The following TRAPPC8 variants were observed in gnomAD, a reference collection of about 807,000 sequenced individuals.
The protein encoded by TRAPPC8 is trafficking protein particle complex subunit 8, also known as general sporulation gene 1 homolog.
Under a neutral mutation model 174.3 loss-of-function variants are expected in TRAPPC8, and 54 were observed. That is an observed-to-expected ratio of 0.31 (90% CI 0.25 to 0.39). The LOEUF is 0.39. Among genes scored for constraint, TRAPPC8 ranks in the 10% least tolerant of loss-of-function variants. The pLI, the probability that TRAPPC8 is intolerant of heterozygous loss-of-function variation, is 1.00. For missense variants in TRAPPC8, 1,531 were observed against 1,699.1 expected (o/e 0.90, Z 1.74); for synonymous variants, 630 against 579.9 (o/e 1.09, Z -1.24).
At chr18:31,880,686 T>A (rs958695659) in intron 12 of TRAPPC8, among the ~76,000 whole-genome samples, 15 of 151,860 alleles carry the variant, frequency 9.9e-5, no homozygotes, top group African/African-American at 3.4e-4. Flanking sequence ...AGAAAAAGCA[T>A]CCAAATAGGA....
At chr18:31,831,082 G>C in intron 28 of TRAPPC8, 93 bp from the exon 29 acceptor site, 5 of 1,055,176 alleles carry the variant, frequency 4.7e-6, no homozygotes, top group Non-Finnish European at 6.9e-6. Flanking sequence ...GCTGGGCGCG[G>C]TGGCTCACGC....
At chr18:31,903,121 C>CGTGCGTGT (rs1555674907) in intron 9 of TRAPPC8, among the ~76,000 whole-genome samples, 8 of 149,010 alleles carry the variant, frequency 5.4e-5, no homozygotes, top group South Asian at 2.1e-4. Context: ...TGCGTGCGTG[C>CGTGCGTGT]GTGTGTGTGT....
intron 26 of TRAPPC8, 37 bp from the exon 27 acceptor site, chr18:31,839,494 C>T: frequency 6.6e-7 from 1 of 1,525,804 alleles, no homozygotes; most frequent in Non-Finnish European, 8.8e-7. Flanking sequence ...ACAATAAAAA[C>T]ACTACCTTGT....
intron 4 of TRAPPC8, among the ~76,000 whole-genome samples, chr18:31,915,888 G>GA (rs775582621): frequency 0.38 from 31,351 of 82,688 alleles, 5,988 homozygotes; most frequent in Admixed American, 0.5. Flanking sequence ...CTCCATCTCA[G>GA]AAAAAAAAAA....
intron 26 of TRAPPC8, among the ~76,000 whole-genome samples, chr18:31,842,524 G>A (rs1237614933): frequency 6.6e-6 from 1 of 152,198 alleles, no homozygotes; most frequent in African/African-American, 2.4e-5. Flanking sequence ...ATGTGGGTAA[G>A]CAGAACCTAC....
In TRAPPC8 at chr18:31,920,571, C is replaced by G. The variant is rs570930771; in HGVS notation, c.353-2904G>C. Among the ~76,000 whole-genome samples, 3 of 151,592 alleles carry G rather than the reference C, an allele frequency of 2.0e-5. No individual in the cohort carries two copies. The South Asian group carries it at 6.3e-4, about 32-fold the overall frequency. On this transcript the variant is annotated intron_variant, in intron 2 of 28. Coordinates refer to ENST00000283351, the MANE Select transcript of TRAPPC8 (RefSeq NM_014939.5). ...ATCCTAGCACTTTGGGAGGCTGAGG[C>G]AGGCAGATCGATTGAGCTCAGGAAT...
intron 27 of TRAPPC8, among the ~76,000 whole-genome samples, chr18:31,834,909 A>G (rs1467106017): frequency 6.6e-6 from 1 of 151,878 alleles, no homozygotes; most frequent in African/African-American, 2.4e-5. Context: ...TATATCCTCC[A>G]TCTCTTCTCT....
chr18:31,835,867 G>C (rs28760310), intron 27 of TRAPPC8, among the ~76,000 whole-genome samples: 1 of 152,076 alleles, frequency 6.6e-6, no homozygotes, highest in Admixed American at 6.6e-5. Flanking sequence ...TTTATACTCC[G>C]GAGACATGCC....
At chr18:31,838,556 C>T (rs1030518418) in intron 27 of TRAPPC8, among the ~76,000 whole-genome samples, 5 of 152,166 alleles carry the variant, frequency 3.3e-5, no homozygotes, top group African/African-American at 7.2e-5. Context: ...GGATGGTCAA[C>T]GCGGTATCTT....
intron 1 of TRAPPC8, among the ~76,000 whole-genome samples, chr18:31,940,794 G>A (rs1235378535): frequency 6.6e-6 from 1 of 152,082 alleles, no homozygotes; most frequent in African/African-American, 2.4e-5. Context: ...ACCGCGCCCG[G>A]CCGAAAATTT....
At chr18:31,880,090 A>AAAAAATAT (rs1259899654) in intron 12 of TRAPPC8, among the ~76,000 whole-genome samples, 92 of 85,324 alleles carry the variant, frequency 1.1e-3, no homozygotes, top group Non-Finnish European at 1.4e-3. Flanking sequence ...TGAAAAAAAA[A>AAAAAATAT]ATATATATAT....
At chr18:31,859,608 G>C (rs578031738) in intron 19 of TRAPPC8, among the ~76,000 whole-genome samples, 2 of 152,104 alleles carry the variant, frequency 1.3e-5, no homozygotes, top group African/African-American at 2.4e-5. Context: ...CATCAAGAAG[G>C]TTACAGCATT....
Position 31,859,110 on chromosome 18 carries a change from AC to A in TRAPPC8, c.2746-1129del, listed in dbSNP as rs2034191028. Among the ~76,000 whole-genome samples, 5 of 152,062 alleles carry A rather than the reference AC, an allele frequency of 3.3e-5. No homozygotes were observed. The South Asian group carries it at 8.3e-4, about 25-fold the overall frequency. ...CCCATCTCAAAAAACAAACAAACAA[AC>A]AAACAAAAAAACAGATATTTAAATG... On this transcript the variant is annotated intron_variant, in intron 19 of 28. Transcript: ENST00000283351.
At chr18:31,936,152 A>G (rs2038088054) in intron 1 of TRAPPC8, among the ~76,000 whole-genome samples, 1 of 151,978 alleles carries the variant, frequency 6.6e-6, no homozygotes, top group Non-Finnish European at 1.5e-5. Flanking sequence ...TACATATAAA[A>G]CTTTACCATA....
intron 9 of TRAPPC8, among the ~76,000 whole-genome samples, chr18:31,905,514 G>A (rs1393272393): frequency 6.6e-6 from 1 of 152,064 alleles, no homozygotes; most frequent in Admixed American, 6.6e-5. Context: ...AACTCTTCTT[G>A]CTCATCCCCA....
At chr18:31,867,007 T>A (rs1309780210) in intron 17 of TRAPPC8, 32 bp from the exon 18 acceptor site, 12 of 1,606,536 alleles carry the variant, frequency 7.5e-6, no homozygotes, top group Non-Finnish European at 9.4e-6. Flanking sequence ...TCTTATTATG[T>A]TTTCATAATA....
chr18:31,897,225 T>C (rs147723243), intron 11 of TRAPPC8, among the ~76,000 whole-genome samples: 1 of 152,258 alleles, frequency 6.6e-6, no homozygotes, highest in Non-Finnish European at 1.5e-5. Context: ...GCAGTCAATG[T>C]AACTCAATAA....
chr18:31,879,097 G>T (rs1263499981), intron 12 of TRAPPC8, among the ~76,000 whole-genome samples: 2 of 152,138 alleles, frequency 1.3e-5, no homozygotes, highest in Non-Finnish European at 2.9e-5. Flanking sequence ...AGAAACTCTG[G>T]AATTAAATCG....
chr18:31,929,336 T>A (rs540010060), intron 2 of TRAPPC8, among the ~76,000 whole-genome samples: 9 of 152,114 alleles, frequency 5.9e-5, no homozygotes, highest in Non-Finnish European at 1.0e-4. Context: ...AGAGGATCAC[T>A]TGAACATAGT....
Sources: gnomAD v4.1 joint callset for allele counts (sites outside exome capture counted in the v4.1 genomes callset) on GRCh38, gnomAD v4.1.1 for gene constraint, MANE v1.5 for transcripts, NCBI Gene and HGNC (gene_info 2026-07-23, HGNC 2026-07-21) for gene names.